RASA2: variants seen among roughly 807,000 people sequenced by gnomAD.
The protein encoded by RASA2 is RAS p21 protein activator 2.
RASA2 carries 155 observed loss-of-function variants against 118.2 expected under a neutral mutation model. The ratio of observed to expected loss-of-function variants is 1.31; its 90% CI spans 1.15 to 1.50. RASA2 has a LOEUF of 1.50. Ranked by LOEUF, RASA2 falls within the 40% of genes most tolerant of loss-of-function variation. The probability of loss-of-function intolerance (pLI) is 0.00; values close to 1 mark genes in which losing one functional copy is unlikely to be tolerated. For missense variants in RASA2, 1,016 were observed against 1,009.6 expected (o/e 1.01, Z -0.09); for synonymous variants, 353 against 349.1 (o/e 1.01, Z -0.12).
intron 2 of RASA2, among the ~76,000 whole-genome samples, chr3:141,514,062 T>C (rs553265002): frequency 6.6e-6 from 1 of 152,256 alleles, no homozygotes; most frequent in African/African-American, 2.4e-5. Flanking sequence ...AAGATGAAAA[T>C]TGGTAAATTA....
At chr3:141,553,236 A>G (rs2082599953) in intron 5 of RASA2, among the ~76,000 whole-genome samples, 1 of 152,118 alleles carries the variant, frequency 6.6e-6, no homozygotes, top group African/African-American at 2.4e-5. Context: ...GATGCCATAG[A>G]GCTGGCTTGG....
chr3:141,598,694 TCTACAA>T (rs1429249843), intron 19 of RASA2, among the ~76,000 whole-genome samples: 9 of 152,232 alleles, frequency 5.9e-5, no homozygotes, highest in African/African-American at 2.2e-4. Context: ...CAATTATATT[TCTACAA>T]GTTGCAAACT....
chr3:141,545,164 T>A (rs1202938952), intron 5 of RASA2, among the ~76,000 whole-genome samples: 5 of 152,216 alleles, frequency 3.3e-5, no homozygotes, highest in African/African-American at 9.6e-5. Flanking sequence ...GCTCATTGAA[T>A]TATTTTTATG....
At chr3:141,543,019 T>A (rs2082428446) in intron 5 of RASA2, among the ~76,000 whole-genome samples, 1 of 152,092 alleles carries the variant, frequency 6.6e-6, no homozygotes, top group Non-Finnish European at 1.5e-5. Flanking sequence ...GTGAGTTTTT[T>A]CCATTTATTT....
At chr3:141,583,616 T>TA (rs749012039) in intron 17 of RASA2, among the ~76,000 whole-genome samples, 3 of 152,116 alleles carry the variant, frequency 2.0e-5, no homozygotes, top group Non-Finnish European at 2.9e-5. Context: ...TACCCACATA[T>TA]AATGCAAAAG....
At chr3:141,573,255 A>G (rs746210405) in intron 13 of RASA2, 34 bp downstream of exon 13, 1 of 1,523,740 alleles carries the variant, frequency 6.6e-7, no homozygotes, top group Non-Finnish European at 8.7e-7. Flanking sequence ...TAATTGCATT[A>G]AAATTGGTCT....
At chr3:141,536,434 A>T (rs951493362) in intron 4 of RASA2, among the ~76,000 whole-genome samples, 1 of 152,162 alleles carries the variant, frequency 6.6e-6, no homozygotes, top group South Asian at 2.1e-4. Context: ...TTTGGTGGGG[A>T]CACAGCCAAA....
At chr3:141,509,990 A>C (rs80163955) in intron 1 of RASA2, among the ~76,000 whole-genome samples, 3,373 of 152,312 alleles carry the variant, frequency 0.022, 131 homozygotes, top group African/African-American at 0.076. Context: ...TGACAGATTT[A>C]AGAAGTATCT....
chr3:141,521,941 AT>A (rs35418649), intron 3 of RASA2, among the ~76,000 whole-genome samples: 37,818 of 149,538 alleles, frequency 0.25, 5,339 homozygotes, highest in Non-Finnish European at 0.32. Context: ...AGTTTTCTTA[AT>A]TTATAATTTG....
intron 4 of RASA2, among the ~76,000 whole-genome samples, chr3:141,539,958 CT>C (rs1354122920): frequency 6.6e-6 from 1 of 152,160 alleles, no homozygotes; most frequent in African/African-American, 2.4e-5. Context: ...AGATTGTACG[CT>C]GCTTGTAAGC....
At chr3:141,548,613 A>G (rs1432471681) in intron 5 of RASA2, among the ~76,000 whole-genome samples, 1 of 152,144 alleles carries the variant, frequency 6.6e-6, no homozygotes, top group African/African-American at 2.4e-5. Context: ...TAGTATTGCT[A>G]AAGGCATGGT....
intron 19 of RASA2, among the ~76,000 whole-genome samples, chr3:141,599,241 GTTTTTTT>G (rs577049346): frequency 1.7e-5 from 2 of 117,794 alleles, no homozygotes; most frequent in African/African-American, 3.1e-5. Context: ...TGTTTTTTGG[GTTTTTTT>G]TTTTTTTTTT....
chr3:141,537,070 C>G (rs58556651), intron 4 of RASA2, among the ~76,000 whole-genome samples: 3,893 of 152,236 alleles, frequency 0.026, 170 homozygotes, highest in African/African-American at 0.086. Flanking sequence ...CTTAATGTTA[C>G]TTCTTCGTAG....
intron 1 of RASA2, among the ~76,000 whole-genome samples, chr3:141,503,708 A>C (rs771793576): frequency 6.6e-5 from 10 of 152,110 alleles, no homozygotes; most frequent in Admixed American, 1.3e-4. Flanking sequence ...TTTGTTGTCG[A>C]TCTCTCCATG....
chr3:141,555,837 C>T lies in RASA2; in HGVS notation c.612-3C>T. On this transcript the variant is annotated splice_region_variant and splice_polypyrimidine_tract_variant and intron_variant, in intron 6 of 23. Transcript: ENST00000286364. ...AAGGTAAAACTCTACCACATTGGAA[C>T]AGGAATGACCAAAAGAAGACAAAAG... 2 of 1,610,252 alleles carry T rather than the reference C, an allele frequency of 1.2e-6. No individual in the cohort carries two copies. Among genetic ancestry groups the T allele is most frequent in the Non-Finnish European group, 1.7e-6 (2 of 1,177,634 alleles).
At chr3:141,513,142 T>G (rs1559999041) in intron 2 of RASA2, among the ~76,000 whole-genome samples, 1 of 149,918 alleles carries the variant, frequency 6.7e-6, no homozygotes, top group Non-Finnish European at 1.5e-5. Context: ...GATGAAATAT[T>G]GAATGCCATG....
At position 141,571,511 on chromosome 3, in the gene RASA2, C is replaced by T. The variant is rs1339511490; in HGVS notation, c.1126C>T (p.Pro376Ser). The change falls in exon 11 of 24, where the codon CCT becomes TCT. Residue 376 changes from proline (P) to serine (S), a missense_variant. By Grantham distance (74) the Pro-to-Ser change is moderately conservative (BLOSUM62 -1). Around this residue, in one of 2 missense-constraint regions of RASA2, gnomAD observed 896 missense variants for 836.4 expected, o/e 1.07. Coordinates refer to ENST00000286364, the MANE Select transcript of RASA2 (RefSeq NM_006506.5). ...RLLLHHDKLV[P>S]FATAVAELDL... ...GCTGCTGCACCATGATAAACTTGTTCCTTTTGCCACTGCTGTGGCTGAATT... is the reference window on the plus strand; with the variant it reads ...GCTGCTGCACCATGATAAACTTGTTTCTTTTGCCACTGCTGTGGCTGAATT... The T allele has an allele frequency of 5.6e-6, 9 of 1,612,498 alleles. No individual in the cohort carries two copies. The highest frequency in any genetic ancestry group is 4.5e-5 in the East Asian group (2 of 44,802).
intron 19 of RASA2, among the ~76,000 whole-genome samples, chr3:141,600,085 G>T (rs965243592): frequency 6.6e-6 from 1 of 152,150 alleles, no homozygotes; most frequent in Non-Finnish European, 1.5e-5. Context: ...ACACCAGGAA[G>T]GCCAAGACAA....
At chr3:141,526,092 C>T (rs189006653) in intron 3 of RASA2, 84 of 152,224 alleles carry the variant, frequency 5.5e-4, no homozygotes, top group Admixed American at 2.0e-3. Context: ...CACCTGTTAG[C>T]GGCAAGTTTA....
Sources: gnomAD v4.1 joint callset for allele counts (sites outside exome capture counted in the v4.1 genomes callset) on GRCh38, gnomAD v4.1.1 for gene constraint, gnomAD v4.1.1 regional missense constraint, MANE v1.5 for transcripts, NCBI Gene and HGNC (gene_info 2026-07-23, HGNC 2026-07-21) for gene names.